RIN3: variants seen among roughly 807,000 people sequenced by gnomAD.
RIN3 encodes RAB5 interacting protein 3.
A neutral mutation model predicts 76.3 loss-of-function variants in RIN3; 54 were observed. The ratio of observed to expected loss-of-function variants is 0.71; its 90% confidence interval spans 0.57 to 0.89. RIN3 has a LOEUF of 0.89. RIN3 is among the 40% of genes least tolerant of loss of function. The pLI is 0.00. For synonymous variants in RIN3, 576 were observed against 564.0 expected, an observed-to-expected ratio of 1.02 and a Z score of -0.30; for missense variants, 1,256 against 1,322.1, an observed-to-expected ratio of 0.95 and a Z score of 0.78.
At chr14:92,617,816 A>G (rs1447698661) in intron 4 of RIN3, among the ~76,000 whole-genome samples, 1 of 152,234 alleles carries the variant, frequency 6.6e-6, no homozygotes, top group Non-Finnish European at 1.5e-5. Context: ...GTCTTTGTTC[A>G]GCCAATTCTA....
At chr14:92,627,345 C>T (rs1195075395) in intron 4 of RIN3, among the ~76,000 whole-genome samples, 2 of 152,238 alleles carry the variant, frequency 1.3e-5, no homozygotes, top group South Asian at 2.1e-4. Flanking sequence ...TTAGGTCCCT[C>T]TTAGCATTGG....
Position 92,685,153 on chromosome 14 carries a change from G to T in RIN3, c.2631+3G>T. On this transcript the variant is annotated splice_donor_region_variant and intron_variant, in intron 9 of 9. Coordinates refer to ENST00000216487, the MANE Select transcript of RIN3 (RefSeq NM_024832.5). This position sits in a 1 kb window ranked among gnomAD's most constrained non-coding sequence, Gnocchi z 4.7. ...GGGCCTCCCGCTCCTCCGTACAGGT[G>T]AGGCCTGAGAGCGGGAGGGGCCCGG... The T allele has an allele frequency of 6.2e-7, 1 of 1,600,148 alleles. No homozygotes were observed. Among genetic ancestry groups the T allele is most frequent in the Non-Finnish European group, 8.5e-7 (1 of 1,170,630 alleles).
chr14:92,561,411 A>G (rs112395194), intron 2 of RIN3, among the ~76,000 whole-genome samples: 27 of 151,512 alleles, frequency 1.8e-4, no homozygotes, highest in African/African-American at 6.3e-4. Flanking sequence ...TTTTGGGAAC[A>G]TATTGGCCCA....
chr14:92,655,009 A>G lies in RIN3; in HGVS notation c.2026+1934A>G, dbSNP rs566409369. Among the ~76,000 whole-genome samples the G allele has an allele frequency of 3.6e-3, 544 of 152,162 alleles. 2 individuals are homozygous for G. The highest frequency in any genetic ancestry group is 0.013 in the African/African-American group (524 of 41,496). ...GTGAAACCCCATCTCTACTAAAAATACAAAAATTAGCCAGGTGTGGTGGCG... is the reference window on the plus strand; with the variant it reads ...GTGAAACCCCATCTCTACTAAAAATGCAAAAATTAGCCAGGTGTGGTGGCG... On this transcript the variant is annotated intron_variant, in intron 6 of 9. Coordinates refer to ENST00000216487, the MANE Select transcript of RIN3 (RefSeq NM_024832.5).
intron 4 of RIN3, among the ~76,000 whole-genome samples, chr14:92,629,975 C>T (rs983632058): frequency 6.6e-6 from 1 of 152,220 alleles, no homozygotes; most frequent in Non-Finnish European, 1.5e-5. Context: ...ACACGTTAGG[C>T]TCTCAGAGAG....
intron 4 of RIN3, among the ~76,000 whole-genome samples, chr14:92,639,207 T>C (rs1179153796): frequency 6.6e-6 from 1 of 152,112 alleles, no homozygotes; most frequent in African/African-American, 2.4e-5. Context: ...ACCAGGAAGA[T>C]GAGGTGCAGA....
At chr14:92,553,705 C>CG (rs1897500122) in intron 1 of RIN3, among the ~76,000 whole-genome samples, 1 of 152,098 alleles carries the variant, frequency 6.6e-6, no homozygotes, top group African/African-American at 2.4e-5. Context: ...CAGGGCCCCC[C>CG]GGAGGATGTG....
At chr14:92,587,585 C>G (rs756965819) in intron 3 of RIN3, among the ~76,000 whole-genome samples, 3 of 151,872 alleles carry the variant, frequency 2.0e-5, no homozygotes, top group Admixed American at 6.6e-5. Context: ...GGTGGCCAAG[C>G]CTGAGTGTAC....
At chr14:92,521,788 G>C (rs1366349114) in intron 1 of RIN3, among the ~76,000 whole-genome samples, 3 of 152,176 alleles carry the variant, frequency 2.0e-5, no homozygotes, top group Non-Finnish European at 4.4e-5. Context: ...GAAAATAAGA[G>C]AAATATGTGC....
rs374911046 is a variant in RIN3 at position 92,646,017 on chromosome 14, A to G, written c.532+4688A>G. On this transcript the variant is annotated intron_variant, in intron 5 of 9. Transcript: ENST00000216487. ...TGCACAACTCAGTGAATACACTGAA[A>G]AACATGAGCATGTTTTTTAAATGAG... is the stretch of plus-strand genomic sequence containing the variant. Among the ~76,000 whole-genome samples, 7 of 152,300 alleles carry G rather than the reference A, an allele frequency of 4.6e-5. No homozygotes were observed. In the East Asian group the frequency reaches 9.6e-4, roughly 21 times the overall value.
chr14:92,659,322 A>G lies in RIN3; in HGVS notation c.2188A>G (p.Thr730Ala). ...LATTTTDLGV[T>A]TSVPEVPMME... is the part of the protein sequence containing the mutation. ...CACCACCACCACTGACCTAGGTGTG[A>G]CCACCAGCGTGCCGGAGGTGCCCAT... is the stretch of plus-strand genomic sequence containing the variant. The change falls in exon 7 of 10, where the codon ACC (threonine) becomes GCC (alanine). Residue 730 changes from threonine to alanine, a missense_variant. Coordinates refer to ENST00000216487, the MANE Select transcript of RIN3 (RefSeq NM_024832.5). The G allele has an allele frequency of 6.2e-7, 1 of 1,612,862 alleles. No homozygotes were observed. Among genetic ancestry groups the G allele is most frequent in the Middle Eastern group, 1.7e-4 (1 of 6,056 alleles).
chr14:92,678,606 T>G (rs1433954053), intron 8 of RIN3, among the ~76,000 whole-genome samples: 1 of 150,332 alleles, frequency 6.7e-6, no homozygotes, highest in Admixed American at 6.6e-5. Flanking sequence ...CACATATCCA[T>G]CTACCCATCC....
chr14:92,531,857 G>GC (rs1380453051), intron 1 of RIN3, among the ~76,000 whole-genome samples: 1 of 149,198 alleles, frequency 6.7e-6, no homozygotes, highest in Non-Finnish European at 1.5e-5. Context: ...CACAACTCTC[G>GC]CCCCCCTAGT....
chr14:92,575,711 C>T (rs968550101), intron 2 of RIN3, among the ~76,000 whole-genome samples: 1 of 152,018 alleles, frequency 6.6e-6, no homozygotes, highest in African/African-American at 2.4e-5. Context: ...GTGAGGACGA[C>T]CAGAGGTCAC....
At chr14:92,678,016 T>C (rs1210498746) in intron 8 of RIN3, among the ~76,000 whole-genome samples, 2 of 133,246 alleles carry the variant, frequency 1.5e-5, no homozygotes, top group Non-Finnish European at 3.2e-5. Context: ...CATTTCCATC[T>C]ACCTATCCAC....
At chr14:92,676,859 G>T (rs1223062832) in intron 8 of RIN3, among the ~76,000 whole-genome samples, 1 of 152,146 alleles carries the variant, frequency 6.6e-6, no homozygotes, top group East Asian at 1.9e-4. Flanking sequence ...ATCCCAGAAG[G>T]CATAGGAGCA....
chr14:92,681,596 T>C lies in RIN3; in HGVS notation c.2468-3391T>C, dbSNP rs1888664176. 6.6e-6 allele frequency among the ~76,000 whole-genome samples: 1 copy of C among 152,216 alleles called. No individual in the cohort carries two copies. The highest frequency in any genetic ancestry group is 1.5e-5 in the Non-Finnish European group (1 of 68,038). The stretch of plus-strand genomic sequence containing the variant: ...AAAGACCTAGATCCTGTTCTCTGAC[T>C]CCAAAACTGAAGGTTTGCAGTCAGC... On this transcript the variant is annotated intron_variant, in intron 8 of 9. Coordinates refer to ENST00000216487, the MANE Select transcript of RIN3 (RefSeq NM_024832.5). This position sits in a 1 kb window ranked among gnomAD's most constrained non-coding sequence, Gnocchi z 4.7.
At chr14:92,640,815 C>T (rs527555685) in intron 4 of RIN3, among the ~76,000 whole-genome samples, 3 of 151,358 alleles carry the variant, frequency 2.0e-5, no homozygotes, top group Non-Finnish European at 4.4e-5. Flanking sequence ...ACTGTGTGTT[C>T]GTCGGGGGCT....
intron 4 of RIN3, among the ~76,000 whole-genome samples, chr14:92,629,322 C>A (rs1415317684): frequency 6.6e-6 from 1 of 152,194 alleles, no homozygotes; most frequent in East Asian, 1.9e-4. Flanking sequence ...AAGAATTAGA[C>A]AAAACGCACG....
Sources: allele counts gnomAD v4.1 joint callset (sites outside exome capture counted in the v4.1 genomes callset), GRCh38; gene constraint gnomAD v4.1.1; non-coding constraint Gnocchi (gnomAD v3.1); transcripts MANE v1.5; gene names NCBI Gene and HGNC (gene_info 2026-07-23, HGNC 2026-07-21).